KALRN: variants seen among roughly 807,000 people sequenced by gnomAD.
KALRN encodes the protein kalirin RhoGEF kinase.
In KALRN, 70 loss-of-function variants were observed where a neutral mutation model predicts 353.7. That is an observed-to-expected ratio of 0.20 (90% CI 0.16 to 0.24). KALRN has a LOEUF of 0.24. KALRN is among the 10% of genes least tolerant of loss of function. KALRN has a pLI of 1.00. For synonymous variants in KALRN, 1,391 were observed against 1,434.8 expected (o/e 0.97, Z 0.69); for missense variants, 2,791 against 3,756.7 (o/e 0.74, Z 6.72).
At chr3:124,434,816 T>G (rs1303700097) in intron 17 of KALRN, among the ~76,000 whole-genome samples, 1 of 152,258 alleles carries the variant, frequency 6.6e-6, no homozygotes, top group Non-Finnish European at 1.5e-5. Context: ...AGTATATTAG[T>G]CAGCTGTTAC....
chr3:124,166,148 A>G (rs2070815454), intron 1 of KALRN, among the ~76,000 whole-genome samples: 1 of 152,078 alleles, frequency 6.6e-6, no homozygotes, highest in Non-Finnish European at 1.5e-5. Flanking sequence ...CTACCATCCC[A>G]GCGTCACACC....
intron 10 of KALRN, among the ~76,000 whole-genome samples, chr3:124,369,968 A>T (rs1291112756): frequency 6.6e-6 from 1 of 152,170 alleles, no homozygotes; most frequent in African/African-American, 2.4e-5. Context: ...GCTGAATAGT[A>T]CTCCATTTTA....
At chr3:124,677,956 G>A (rs530101947) in intron 49 of KALRN, among the ~76,000 whole-genome samples, 10 of 152,236 alleles carry the variant, frequency 6.6e-5, no homozygotes, top group East Asian at 1.9e-4. Context: ...TTTAAATGCC[G>A]TAGTCAACCT....
At chr3:124,287,801 AT>A (rs1693677811) in intron 5 of KALRN, among the ~76,000 whole-genome samples, 2 of 19,772 alleles carry the variant, frequency 1.0e-4, no homozygotes, top group Admixed American at 4.9e-4. Context: ...ATATATATAT[AT>A]ATATATATAT....
chr3:124,058,505 C>T (rs1037688178), intron 1 of KALRN, among the ~76,000 whole-genome samples: 3 of 152,232 alleles, frequency 2.0e-5, no homozygotes, highest in South Asian at 4.2e-4. Context: ...CCAAGAGGGG[C>T]CCTTCCTGCT....
intron 10 of KALRN, among the ~76,000 whole-genome samples, chr3:124,355,808 C>A (rs959699497): frequency 1.3e-5 from 2 of 149,696 alleles, no homozygotes; most frequent in African/African-American, 4.9e-5. Flanking sequence ...CTCTGCCCCC[C>A]AGATTCAAGC....
chr3:124,122,508 G>A (rs910096110), intron 1 of KALRN, among the ~76,000 whole-genome samples: 4 of 152,136 alleles, frequency 2.6e-5, no homozygotes, highest in African/African-American at 9.7e-5. Context: ...TATCAACACT[G>A]TTTATCCAAT....
At chr3:124,277,306 G>T (rs73188180) in intron 5 of KALRN, among the ~76,000 whole-genome samples, 1 of 152,216 alleles carries the variant, frequency 6.6e-6, no homozygotes, top group Non-Finnish European at 1.5e-5. Flanking sequence ...TTGGAGAAAG[G>T]CTCCGGTGCC....
In KALRN at chr3:124,492,799, A is replaced by G. The variant is rs1282991078; in HGVS notation, c.4749A>G (p.Glu1583=). The G allele has an allele frequency of 6.2e-7, 1 of 1,614,154 alleles. No individual in the cohort carries two copies. Among genetic ancestry groups the G allele is most frequent in the Admixed American group, 1.7e-5 (1 of 60,016 alleles). ...AGAACATTCGAGAAGTGATTCAAGA[A>G]AGGATCATTCACCTGAAAGGAGCTT... ...WIKNIREVIQ[E]RIIHLKGALK... is the part of the protein sequence containing the mutation. Residue 1583 remains glutamate, a synonymous_variant, in exon 32 of 60, where the codon GAA becomes GAG. Transcript: ENST00000682506.
At chr3:124,489,244 T>G (rs2062881408) in intron 29 of KALRN, among the ~76,000 whole-genome samples, 1 of 152,016 alleles carries the variant, frequency 6.6e-6, no homozygotes, top group Non-Finnish European at 1.5e-5. Flanking sequence ...GAGGCAGAGG[T>G]TGCCGTGAGC....
chr3:124,670,229 C>T (rs1031900624), intron 47 of KALRN, among the ~76,000 whole-genome samples: 1 of 152,204 alleles, frequency 6.6e-6, no homozygotes, highest in Non-Finnish European at 1.5e-5. Context: ...AGTGATCCAC[C>T]CGCCTTGGCC....
At chr3:124,302,183 T>C (rs553594306) in intron 6 of KALRN, among the ~76,000 whole-genome samples, 61 of 152,326 alleles carry the variant, frequency 4.0e-4, no homozygotes, top group African/African-American at 1.3e-3. Context: ...AGACATTGTA[T>C]TGGATACTGA....
At chr3:124,113,103 C>T (rs1348675305) in intron 1 of KALRN, among the ~76,000 whole-genome samples, 1 of 152,142 alleles carries the variant, frequency 6.6e-6, no homozygotes, top group Non-Finnish European at 1.5e-5. Flanking sequence ...AGGCAGTATG[C>T]TGAGTAGTTA....
At chr3:124,317,642 G>C (rs1013724807) in intron 6 of KALRN, among the ~76,000 whole-genome samples, 1 of 136,096 alleles carries the variant, frequency 7.3e-6, no homozygotes, top group African/African-American at 2.7e-5. Flanking sequence ...GGAAGGGCCT[G>C]AAATACTGTA....
intron 51 of KALRN, among the ~76,000 whole-genome samples, chr3:124,690,431 T>C (rs963121605): frequency 6.6e-6 from 1 of 152,150 alleles, no homozygotes; most frequent in Admixed American, 6.5e-5. Flanking sequence ...AAAAAAACAT[T>C]AGTGTGGACC....
chr3:124,065,818 A>G (rs955776251), intron 1 of KALRN, among the ~76,000 whole-genome samples: 1 of 152,162 alleles, frequency 6.6e-6, no homozygotes, highest in Non-Finnish European at 1.5e-5. Context: ...TTAGATCAGT[A>G]TCTAGTCCAT....
intron 16 of KALRN, 151 bp downstream of exon 16, chr3:124,430,926 A>G: frequency 1.1e-6 from 1 of 951,778 alleles, no homozygotes; most frequent in Non-Finnish European, 1.5e-6. Flanking sequence ...CTTACCCAAG[A>G]GTTGATAGGG....
chr3:124,594,607 A>T (rs1211556640), intron 34 of KALRN, among the ~76,000 whole-genome samples: 1 of 152,234 alleles, frequency 6.6e-6, no homozygotes, highest in Non-Finnish European at 1.5e-5. Context: ...AGTTTAATAT[A>T]ATGGTTAAGA....
rs1485464996 is a variant in KALRN at position 124,671,841 on chromosome 3, C to T, written c.6885C>T (p.Ser2295=). Reference sequence around the variant, plus strand: ...TGCCTCCCCTGAAGATATCTACCTCCAATGGCAGTCCAGGGTTTGAATACC... The same window carrying T: ...TGCCTCCCCTGAAGATATCTACCTCTAATGGCAGTCCAGGGTTTGAATACC... ...PPLPPLKIST[S]NGSPGFEYHQ... The change falls in exon 48 of 60, where the codon TCC becomes TCT. Residue 2295 remains serine (S), a synonymous_variant. Coordinates refer to ENST00000682506, the MANE Select transcript of KALRN (RefSeq NM_001388419.1). 1.2e-6 allele frequency: 2 copies of T among 1,614,070 alleles called. No homozygotes were observed. Among genetic ancestry groups the T allele is most frequent in the Non-Finnish European group, 1.7e-6 (2 of 1,180,042 alleles).
Sources: gnomAD v4.1 joint callset for allele counts (sites outside exome capture counted in the v4.1 genomes callset) on GRCh38, gnomAD v4.1.1 for gene constraint, MANE v1.5 for transcripts, NCBI Gene and HGNC (gene_info 2026-07-23, HGNC 2026-07-21) for gene names.